FIGN: variants seen among roughly 807,000 people sequenced by gnomAD.
The protein encoded by FIGN is fidgetin, microtubule severing factor.
Under a neutral mutation model 51.3 loss-of-function variants are expected in FIGN, and 11 were observed. The ratio of observed to expected loss-of-function variants is 0.21; its 90% CI spans 0.13 to 0.35. FIGN has a LOEUF of 0.35. Among genes scored for constraint, FIGN ranks in the 10% least tolerant of loss-of-function variants. FIGN has a pLI of 1.00. For synonymous variants in FIGN, 407 were observed against 363.2 expected, an observed-to-expected ratio of 1.12 and a Z score of -1.37; for missense variants, 857 against 943.6, an observed-to-expected ratio of 0.91 and a Z score of 1.20.
intron 2 of FIGN, among the ~76,000 whole-genome samples, chr2:163,654,302 G>T (rs1372195628): frequency 6.6e-6 from 1 of 152,116 alleles, no homozygotes; most frequent in Non-Finnish European, 1.5e-5. Flanking sequence ...ATGATCAAAA[G>T]TGCTTGTTAA....
At chr2:163,641,631 T>C (rs1379354526) in intron 2 of FIGN, among the ~76,000 whole-genome samples, 1 of 152,218 alleles carries the variant, frequency 6.6e-6, no homozygotes, top group Non-Finnish European at 1.5e-5. Context: ...ATGTTAAAGA[T>C]ACTCCTTCAG....
chr2:163,624,706 A>AT (rs1359391782), intron 2 of FIGN, among the ~76,000 whole-genome samples: 24 of 133,808 alleles, frequency 1.8e-4, no homozygotes, highest in African/African-American at 6.6e-4. Flanking sequence ...ATATATATAT[A>AT]TATTTTTTTT....
chr2:163,617,878 G>C (rs1428468092), intron 2 of FIGN, among the ~76,000 whole-genome samples: 1 of 152,138 alleles, frequency 6.6e-6, no homozygotes, highest in African/African-American at 2.4e-5. Flanking sequence ...ACTGTGAACT[G>C]CTACACAAAC....
intron 2 of FIGN, among the ~76,000 whole-genome samples, chr2:163,717,760 C>T (rs16848833): frequency 0.025 from 3,823 of 152,088 alleles, 162 homozygotes; most frequent in African/African-American, 0.087. Flanking sequence ...CTTTCAAGGC[C>T]GTGTTAATCG....
chr2:163,630,232 C>T (rs1172409994), intron 2 of FIGN, among the ~76,000 whole-genome samples: 1 of 151,920 alleles, frequency 6.6e-6, no homozygotes, highest in East Asian at 1.9e-4. Flanking sequence ...TCCTAAAGTG[C>T]TAGGATTTCA....
At position 163,719,162 on chromosome 2, in the gene FIGN, G is replaced by A. The variant is rs188901470; in HGVS notation, c.25+15741C>T. Reference sequence around the variant, plus strand: ...GTACAATGAAGAAAACCACGATTCCGATCTGAAGCCTACATACTTTTACAA... The same window carrying A: ...GTACAATGAAGAAAACCACGATTCCAATCTGAAGCCTACATACTTTTACAA... On this transcript the variant is annotated intron_variant, in intron 2 of 2. Coordinates refer to ENST00000333129, the MANE Select transcript of FIGN (RefSeq NM_018086.4). Among the ~76,000 whole-genome samples the A allele has an allele frequency of 1.1e-4, 17 of 152,238 alleles. No homozygotes were observed. The East Asian group carries it at 2.1e-3, about 19-fold the overall frequency.
intron 2 of FIGN, among the ~76,000 whole-genome samples, chr2:163,675,725 T>TC (rs1683949934): frequency 6.8e-6 from 1 of 146,154 alleles, no homozygotes; most frequent in East Asian, 1.9e-4. Context: ...TTTTTTTTTT[T>TC]TTTTGTACAA....
intron 2 of FIGN, among the ~76,000 whole-genome samples, chr2:163,649,039 T>C (rs1683428796): frequency 6.6e-6 from 1 of 152,224 alleles, no homozygotes; most frequent in Non-Finnish European, 1.5e-5. Flanking sequence ...GGTACTCTAT[T>C]CACCAACACT....
intron 2 of FIGN, among the ~76,000 whole-genome samples, chr2:163,687,372 T>TAA (rs533397629): frequency 1.3e-5 from 2 of 152,140 alleles, no homozygotes; most frequent in Non-Finnish European, 2.9e-5. Flanking sequence ...GAGTGCTAGT[T>TAA]TAGAGAGCAG....
Position 163,605,258 on chromosome 2 carries a change from C to A in FIGN, c.*4294G>T, listed in dbSNP as rs1340829834. On this transcript the variant is annotated 3_prime_UTR_variant, in exon 3 of 3. Transcript: ENST00000333129. ...AAAGATGCAGTATCCCTGGTTCACACAAATGCATCTGGCAGGTTCAAAATC... is the reference window on the plus strand; with the variant it reads ...AAAGATGCAGTATCCCTGGTTCACAAAAATGCATCTGGCAGGTTCAAAATC... 1 of 151,982 alleles carries A rather than the reference C, an allele frequency of 6.6e-6. No homozygotes were observed. The highest frequency in any genetic ancestry group is 1.9e-4 in the East Asian group (1 of 5,178). The allele number at this position is 151,982 out of a possible 1,614,324, so 9.4% of individuals were successfully genotyped here.
chr2:163,691,049 T>C (rs566554886), intron 2 of FIGN, among the ~76,000 whole-genome samples: 1 of 152,286 alleles, frequency 6.6e-6, no homozygotes, highest in Admixed American at 6.5e-5. Context: ...GTCTTTTGCT[T>C]AGAGTGAGGA....
In FIGN at chr2:163,609,925, A is replaced by C; in HGVS notation, c.1907T>G (p.Ile636Arg). 6.2e-7 allele frequency: 1 copy of C among 1,613,972 alleles called. No individual in the cohort carries two copies. The highest frequency in any genetic ancestry group is 8.5e-7 in the Non-Finnish European group (1 of 1,180,012). Reference sequence around the variant, plus strand: ...GAAGTACCTCCGAAGGGATTCATCTATTTCTTCTGGTTTACTGGTGGCACA... The same window carrying C: ...GAAGTACCTCCGAAGGGATTCATCTCTTTCTTCTGGTTTACTGGTGGCACA... ...VICATSKPEE[I>R]DESLRRYFMK... Residue 636 changes from isoleucine to arginine, a missense_variant, in exon 3 of 3, where the codon ATA becomes AGA. This residue lies in a region of FIGN where 799 missense variants were observed against 849.5 expected (regional missense o/e 0.94). Transcript: ENST00000333129.
intron 2 of FIGN, among the ~76,000 whole-genome samples, chr2:163,665,817 CT>C (rs1201137927): frequency 6.6e-6 from 1 of 152,058 alleles, no homozygotes; most frequent in Non-Finnish European, 1.5e-5. Flanking sequence ...ATCCTGGATT[CT>C]TTTTCCCCCT....
intron 2 of FIGN, among the ~76,000 whole-genome samples, chr2:163,661,309 G>C (rs897819811): frequency 6.6e-6 from 1 of 151,084 alleles, no homozygotes; most frequent in Non-Finnish European, 1.5e-5. Flanking sequence ...ATGTGATCTC[G>C]GCTCACTGCA....
At chr2:163,717,247 C>CCTTA (rs1170218749) in intron 2 of FIGN, among the ~76,000 whole-genome samples, 1 of 152,026 alleles carries the variant, frequency 6.6e-6, no homozygotes, top group Non-Finnish European at 1.5e-5. Flanking sequence ...AGGTTAACTA[C>CCTTA]GGAATTGAGA....
In FIGN at chr2:163,621,500, G is replaced by A. The variant is rs1245719872; in HGVS notation, c.26-9694C>T. Among the ~76,000 whole-genome samples the A allele has an allele frequency of 2.6e-5, 4 of 152,142 alleles. No individual in the cohort carries two copies. In the South Asian group the frequency reaches 6.2e-4, roughly 24 times the overall value. On this transcript the variant is annotated intron_variant, in intron 2 of 2. Transcript: ENST00000333129. ...TATGAAATGAGTTTTGGTAGGTTAC[G>A]TGTTGTTTTTTTCCAAATAAGACGT...
rs377075822 is a variant in FIGN, at chr2:163,670,825, T to A, written c.26-59019A>T. ...CATTAAACACCTGATCTAAAGCAGT[T>A]CTTTTGATATATATGCACAATACAT... is the stretch of plus-strand genomic sequence containing the variant. On this transcript the variant is annotated intron_variant, in intron 2 of 2. Transcript: ENST00000333129. 1.2e-4 allele frequency among the ~76,000 whole-genome samples: 18 copies of A among 152,324 alleles called. No individual in the cohort carries two copies. The East Asian group carries it at 3.5e-3, about 29-fold the overall frequency.
chr2:163,734,227 G>C (rs1042759431), intron 2 of FIGN, among the ~76,000 whole-genome samples: 2 of 151,924 alleles, frequency 1.3e-5, no homozygotes, highest in Admixed American at 6.6e-5. Context: ...AGGCAGACGA[G>C]TGAATGGAAA....
intron 2 of FIGN, among the ~76,000 whole-genome samples, chr2:163,630,511 G>A (rs994019694): frequency 1.3e-5 from 2 of 152,028 alleles, no homozygotes; most frequent in Admixed American, 6.6e-5. Context: ...AAGGCAATGC[G>A]GAAAGATCAA....
Sources: gnomAD v4.1 joint callset for allele counts (sites outside exome capture counted in the v4.1 genomes callset) on GRCh38, gnomAD v4.1.1 for gene constraint, gnomAD v4.1.1 regional missense constraint, MANE v1.5 for transcripts, NCBI Gene and HGNC (gene_info 2026-07-23, HGNC 2026-07-21) for gene names.